Variants in ASTN2 observed in about 807,000 individuals in gnomAD.
ASTN2 encodes the protein astrotactin-2.
Under a neutral mutation model 139.8 loss-of-function variants are expected in ASTN2, and 54 were observed. The ratio of observed to expected loss-of-function variants is 0.39; its 90% confidence interval spans 0.31 to 0.48. ASTN2 has a LOEUF of 0.48. Ranked by LOEUF, ASTN2 falls within the 20% of genes least tolerant of loss-of-function variation. The probability of loss-of-function intolerance (pLI) is 0.95; values close to 1 mark genes in which losing one functional copy is unlikely to be tolerated. For synonymous variants in ASTN2, 756 were observed against 719.5 expected (o/e 1.05, Z -0.81); for missense variants, 1,565 against 1,725.1 (o/e 0.91, Z 1.64).
intron 19 of ASTN2, among the ~76,000 whole-genome samples, chr9:116,512,459 T>A (rs10983203): frequency 1.4e-4 from 22 of 152,134 alleles, no homozygotes; most frequent in Non-Finnish European, 2.5e-4. Flanking sequence ...GATGTGGTGC[T>A]GAGAAGAATG....
intron 19 of ASTN2, among the ~76,000 whole-genome samples, chr9:116,541,634 T>C (rs1266013608): frequency 6.6e-6 from 1 of 152,148 alleles, no homozygotes; most frequent in Non-Finnish European, 1.5e-5. Context: ...ATTGGGGAAG[T>C]GACTCTAACC....
At chr9:117,029,051 A>G (rs1838176773) in intron 6 of ASTN2, among the ~76,000 whole-genome samples, 1 of 152,190 alleles carries the variant, frequency 6.6e-6, no homozygotes, top group African/African-American at 2.4e-5. Context: ...CATTCTGTGG[A>G]TGTTGATTCA....
chr9:117,105,299 T>A (rs758676055), intron 4 of ASTN2, among the ~76,000 whole-genome samples: 8 of 152,144 alleles, frequency 5.3e-5, no homozygotes, highest in Non-Finnish European at 2.9e-5. Context: ...TCTCTAGATG[T>A]TTCCTCTTAG....
intron 11 of ASTN2, among the ~76,000 whole-genome samples, chr9:116,855,259 C>A (rs1439150710): frequency 1.3e-5 from 2 of 152,016 alleles, no homozygotes; most frequent in Non-Finnish European, 2.9e-5. Context: ...ACCTACCCAC[C>A]CAGCCTGCTC....
chr9:116,800,089 T>C (rs1765221614), intron 13 of ASTN2, among the ~76,000 whole-genome samples: 1 of 152,290 alleles, frequency 6.6e-6, no homozygotes, highest in African/African-American at 2.4e-5. Context: ...ATAAACTGTA[T>C]TTTGATTTTT....
intron 19 of ASTN2, among the ~76,000 whole-genome samples, chr9:116,601,029 C>A (rs1001003646): frequency 6.6e-6 from 1 of 152,186 alleles, no homozygotes; most frequent in East Asian, 1.9e-4. Flanking sequence ...GCAAATGCTA[C>A]ATTCCTGCCT....
chr9:116,525,788 A>G (rs765561030), intron 19 of ASTN2, among the ~76,000 whole-genome samples: 24 of 152,258 alleles, frequency 1.6e-4, no homozygotes, highest in Middle Eastern at 6.8e-3. Context: ...AAGGTCGTTA[A>G]TAATTATCCA....
intron 10 of ASTN2, among the ~76,000 whole-genome samples, chr9:116,882,177 A>G (rs539628643): frequency 2.8e-4 from 42 of 152,280 alleles, no homozygotes; most frequent in Non-Finnish European, 4.6e-4. Flanking sequence ...GATACGAGTA[A>G]GCCATAGCTT....
At position 117,300,585 on chromosome 9, in the gene ASTN2, C is replaced by T. The variant is rs74747321; in HGVS notation, c.443-9072G>A. 6.8e-3 allele frequency among the ~76,000 whole-genome samples: 1,030 copies of T among 152,232 alleles called. 14 individuals are homozygous for T. The highest frequency in any genetic ancestry group is 0.023 in the African/African-American group (969 of 41,552). The stretch of plus-strand genomic sequence containing the variant: ...ACACGTGAGAGGTCAGTTAATGCTC[C>T]TCATTTATCAGGAGATTGGACAGGG... On this transcript the variant is annotated intron_variant, in intron 1 of 22. Transcript: ENST00000313400.
chr9:116,700,337 G>T (rs1291499045), intron 16 of ASTN2: 1 of 167,894 alleles, frequency 6.0e-6, no homozygotes, highest in African/African-American at 2.4e-5. Flanking sequence ...ATCTTGGATT[G>T]AGAATTGCAG....
intron 1 of ASTN2, among the ~76,000 whole-genome samples, chr9:117,333,542 A>AG (rs1360780446): frequency 6.6e-6 from 1 of 152,138 alleles, no homozygotes; most frequent in Admixed American, 6.6e-5. Context: ...CAGTTATTGC[A>AG]GGGGGGGTTG....
intron 5 of ASTN2, among the ~76,000 whole-genome samples, chr9:117,061,229 A>G (rs1839281894): frequency 6.6e-6 from 1 of 151,774 alleles, no homozygotes; most frequent in Non-Finnish European, 1.5e-5. Flanking sequence ...TAGACTTTGG[A>G]GTCAGACAGA....
intron 13 of ASTN2, among the ~76,000 whole-genome samples, chr9:116,772,789 C>A (rs1829987846): frequency 6.6e-6 from 1 of 152,168 alleles, no homozygotes; most frequent in African/African-American, 2.4e-5. Context: ...ATCTTGGCTG[C>A]AGTCATCAGG....
intron 7 of ASTN2, among the ~76,000 whole-genome samples, chr9:117,005,661 C>T (rs1406117698): frequency 6.6e-6 from 1 of 152,132 alleles, no homozygotes; most frequent in African/African-American, 2.4e-5. Flanking sequence ...TTTCTTGTCA[C>T]TTCCTTTACA....
intron 16 of ASTN2, among the ~76,000 whole-genome samples, chr9:116,657,348 G>C (rs1858279082): frequency 6.6e-6 from 1 of 152,180 alleles, no homozygotes; most frequent in East Asian, 1.9e-4. Context: ...AATATTATTT[G>C]TTATTGTTGT....
intron 1 of ASTN2, among the ~76,000 whole-genome samples, chr9:117,345,923 C>G (rs980747444): frequency 2.7e-5 from 4 of 146,008 alleles, no homozygotes; most frequent in Non-Finnish European, 6.0e-5. Flanking sequence ...TTCTGTCTAT[C>G]CACTATTAAG....
intron 5 of ASTN2, among the ~76,000 whole-genome samples, chr9:117,082,466 T>C (rs1186242207): frequency 6.6e-6 from 1 of 152,170 alleles, no homozygotes; most frequent in Admixed American, 6.5e-5. Flanking sequence ...ACCTTCAGTC[T>C]CACTCTCTTC....
rs1229556690 is a variant in ASTN2 at position 117,060,468 on chromosome 9, G to A, written c.1277-20503C>T. ...AGAAAGAAAGAAAGAAAGGAAGGAAGGAAGGAAGGAAGGAAGGAATGAAAG... is the reference window on the plus strand; with the variant it reads ...AGAAAGAAAGAAAGAAAGGAAGGAAAGAAGGAAGGAAGGAAGGAATGAAAG... On this transcript the variant is annotated intron_variant, in intron 5 of 22. Transcript: ENST00000313400. Among the ~76,000 whole-genome samples, 182 of 92,548 alleles carry A rather than the reference G, an allele frequency of 2.0e-3. 14 individuals carry two copies. Among genetic ancestry groups the A allele is most frequent in the Middle Eastern group, 5.3e-3 (1 of 188 alleles). 60.7% of individuals were successfully genotyped at this position (92,548 alleles called of 152,430 possible).
At chr9:117,318,399 G>A (rs141508313) in intron 1 of ASTN2, among the ~76,000 whole-genome samples, 10 of 152,242 alleles carry the variant, frequency 6.6e-5, no homozygotes, top group African/African-American at 2.2e-4. Context: ...TGACCACAGC[G>A]ATCTTAGAGT....
Sources: gnomAD v4.1 joint callset for allele counts (sites outside exome capture counted in the v4.1 genomes callset) on GRCh38, gnomAD v4.1.1 for gene constraint, MANE v1.5 for transcripts, NCBI Gene and HGNC (gene_info 2026-07-23, HGNC 2026-07-21) for gene names.